LAMA4: variants seen among roughly 807,000 people sequenced by gnomAD.
The protein encoded by LAMA4 is laminin subunit alpha 4.
In LAMA4, 127 loss-of-function variants were observed where a neutral mutation model predicts 207.1. The observed-to-expected ratio is 0.61, with a 90% CI of 0.53 to 0.71. LAMA4 has a LOEUF of 0.71. LAMA4 is among the 30% of genes least tolerant of loss of function. LAMA4 has a pLI of 0.00. For missense variants in LAMA4, 2,093 were observed against 2,246.5 expected (o/e 0.93, Z 1.38); for synonymous variants, 761 against 816.0 (o/e 0.93, Z 1.15).
At chr6:112,187,270 C>A (rs782327900) in intron 8 of LAMA4, 180 bp downstream of exon 8, 2 of 764,928 alleles carry the variant, frequency 2.6e-6, no homozygotes. Context: ...CTCATAGTTA[C>A]AATCAACTTT....
At position 112,187,252 on chromosome 6, in the gene LAMA4, G is replaced by C; in HGVS notation, c.966+198C>G. Reference sequence around the variant, plus strand: ...TTTTGTAGACAGTAGTTCTTGTTTTGGCCCAAGCTCATAGTTACAATCAAC... The same window carrying C: ...TTTTGTAGACAGTAGTTCTTGTTTTCGCCCAAGCTCATAGTTACAATCAAC... On this transcript the variant is annotated intron_variant, in intron 8 of 38. Transcript: ENST00000230538. The C allele has an allele frequency of 1.1e-5, 8 of 703,782 alleles. No homozygotes were observed. The South Asian group carries it at 1.2e-4, about 11-fold the overall frequency. The allele number at this position is 703,782 out of a possible 1,614,324, so 43.6% of individuals were successfully genotyped here.
intron 31 of LAMA4, among the ~76,000 whole-genome samples, chr6:112,126,980 G>A (rs781724355): frequency 6.6e-5 from 10 of 152,108 alleles, no homozygotes; most frequent in Non-Finnish European, 1.5e-4. Flanking sequence ...ATACTCATAA[G>A]GCTCTATAGA....
At chr6:112,189,021 G>C (rs1236718570) in intron 7 of LAMA4, 89 bp downstream of exon 7, 7 of 953,608 alleles carry the variant, frequency 7.3e-6, no homozygotes, top group South Asian at 2.7e-5. Context: ...GCAGTTTCTA[G>C]AGAGTGATAT....
At chr6:112,112,580 C>T (rs1007816612) in intron 38 of LAMA4, among the ~76,000 whole-genome samples, 12 of 152,134 alleles carry the variant, frequency 7.9e-5, no homozygotes, top group African/African-American at 2.2e-4. Context: ...GCAGTGCTGG[C>T]CTTTGCCAGA....
intron 2 of LAMA4, chr6:112,236,712 G>A (rs560996526): frequency 6.6e-6 from 1 of 152,306 alleles, no homozygotes; most frequent in East Asian, 1.9e-4. Flanking sequence ...GAAATGCTTA[G>A]GTTGCTGCTT....
At chr6:112,194,025 A>G (rs1415547229) in intron 5 of LAMA4, among the ~76,000 whole-genome samples, 3 of 152,252 alleles carry the variant, frequency 2.0e-5, no homozygotes, top group Non-Finnish European at 4.4e-5. Flanking sequence ...TACACAACCC[A>G]CAAAGAGACA....
At chr6:112,116,113 G>C in intron 35 of LAMA4, 120 bp from the exon 36 acceptor site, 1 of 1,023,950 alleles carries the variant, frequency 9.8e-7, no homozygotes, top group Non-Finnish European at 1.4e-6. Flanking sequence ...TTTTTTAACA[G>C]ATAAGTAGAA....
rs782445134 is a variant in LAMA4 at position 112,140,859 on chromosome 6, C to T, written c.2877G>A (p.Lys959=). The T allele has an allele frequency of 1.9e-6, 3 of 1,613,998 alleles. No homozygotes were observed. In the South Asian group the frequency reaches 3.3e-5, roughly 18 times the overall value. Residue 959 remains lysine, a synonymous_variant, in exon 22 of 39, where the codon AAG becomes AAA. Transcript: ENST00000230538. The stretch of plus-strand genomic sequence containing the variant: ...CCGAAAATTCCCCCTTTTTAATGAA[C>T]TTTTCCTCTGCTGTGCTACTTAGAC... ...VPSLSSTAEE[K]FIKKGEFSGD...
intron 17 of LAMA4, among the ~76,000 whole-genome samples, chr6:112,149,330 C>T (rs550781709): frequency 6.6e-6 from 1 of 152,076 alleles, no homozygotes; most frequent in Non-Finnish European, 1.5e-5. Flanking sequence ...GGTACTTATC[C>T]CCATGACATA....
At chr6:112,241,636 A>G (rs1786522395) in intron 2 of LAMA4, among the ~76,000 whole-genome samples, 1 of 152,210 alleles carries the variant, frequency 6.6e-6, no homozygotes, top group South Asian at 2.1e-4. Context: ...TGAAGAATAA[A>G]TGAATTTATA....
intron 13 of LAMA4, chr6:112,159,505 C>T (rs1388068506): frequency 6.5e-5 from 10 of 153,606 alleles, no homozygotes; most frequent in Admixed American, 2.6e-4. Flanking sequence ...ACTGTGTAGA[C>T]GGATGTTCCT....
chr6:112,147,070 A>G (rs920397376), intron 18 of LAMA4, among the ~76,000 whole-genome samples: 23 of 152,208 alleles, frequency 1.5e-4, no homozygotes, highest in African/African-American at 5.3e-4. Context: ...GAACCACAAA[A>G]TGCTATTTGA....
chr6:112,175,225 T>A, intron 11 of LAMA4, 88 bp downstream of exon 11: 1 of 1,286,550 alleles, frequency 7.8e-7, no homozygotes, highest in Non-Finnish European at 1.1e-6. Context: ...TTGCTTTGAT[T>A]ATATGTTGCC....
In LAMA4 at chr6:112,119,642, C is replaced by T. The variant is rs587775235; in HGVS notation, c.4666-331G>A. Among the ~76,000 whole-genome samples the T allele has an allele frequency of 3.5e-3, 532 of 152,240 alleles. 1 individual carries two copies. Among genetic ancestry groups the T allele is most frequent in the Middle Eastern group, 6.8e-3 (2 of 294 alleles). On this transcript the variant is annotated intron_variant, in intron 33 of 38. Coordinates refer to ENST00000230538, the MANE Select transcript of LAMA4 (RefSeq NM_001105206.3). ...TTTCATGATCATCTTCCATTTACCACTTCAGGTATTAGAGGAAGTGATCTA... is the reference window on the plus strand; with the variant it reads ...TTTCATGATCATCTTCCATTTACCATTTCAGGTATTAGAGGAAGTGATCTA...
chr6:112,223,150 G>A (rs1554361138), intron 2 of LAMA4, among the ~76,000 whole-genome samples: 1 of 151,810 alleles, frequency 6.6e-6, no homozygotes, highest in Non-Finnish European at 1.5e-5. Flanking sequence ...TCCAAGCTAT[G>A]GTTACACAAC....
intron 2 of LAMA4, among the ~76,000 whole-genome samples, chr6:112,245,526 C>A (rs1241858214): frequency 6.6e-6 from 1 of 152,222 alleles, no homozygotes; most frequent in East Asian, 1.9e-4. Flanking sequence ...ACTTTTGATT[C>A]CTAGAGTCCT....
intron 31 of LAMA4, among the ~76,000 whole-genome samples, chr6:112,124,066 G>A (rs965505120): frequency 6.6e-5 from 10 of 152,116 alleles, no homozygotes; most frequent in Non-Finnish European, 4.4e-5. Context: ...AATCCCAGTG[G>A]AGTAATACAC....
chr6:112,145,119 G>T (rs957160994), intron 18 of LAMA4, among the ~76,000 whole-genome samples, 186 bp from the exon 19 acceptor site: 13 of 152,218 alleles, frequency 8.5e-5, no homozygotes, highest in Admixed American at 2.6e-4. Context: ...GGTTGAGGCA[G>T]ACATCTGGGC....
At position 112,172,716 on chromosome 6, in the gene LAMA4, A is replaced by G; in HGVS notation, c.1446T>C (p.Asn482=). ...CTTCCTGGAGATCTGACAACTTAGC[A>G]TTGTAGTCATCCAGCTGCTCCAGGA... ...PVVLEQLDDY[N]AKLSDLQEAL... Residue 482 remains asparagine, a synonymous_variant, in exon 12 of 39, where the codon AAT becomes AAC. Transcript: ENST00000230538. 1 of 1,613,920 alleles carries G rather than the reference A, an allele frequency of 6.2e-7. No individual in the cohort carries two copies. Among genetic ancestry groups the G allele is most frequent in the Non-Finnish European group, 8.5e-7 (1 of 1,179,924 alleles).
Sources: gnomAD v4.1 joint callset for allele counts (sites outside exome capture counted in the v4.1 genomes callset) on GRCh38, gnomAD v4.1.1 for gene constraint, MANE v1.5 for transcripts, NCBI Gene and HGNC (gene_info 2026-07-23, HGNC 2026-07-21) for gene names.